The following KMT2C variants were observed in gnomAD, a reference collection of about 807,000 sequenced individuals.
The protein encoded by KMT2C is lysine methyltransferase 2C.
KMT2C carries 88 observed loss-of-function variants against 507.9 expected under a neutral mutation model. That is an observed-to-expected ratio of 0.17 (90% CI 0.15 to 0.21). The LOEUF (loss-of-function observed/expected upper bound fraction) is 0.21, where lower values mean the gene tolerates loss of function less well. Among genes scored for constraint, KMT2C ranks in the 10% least tolerant of loss-of-function variants. The pLI, the probability that KMT2C is intolerant of heterozygous loss-of-function variation, is 1.00. For missense variants in KMT2C, 4,954 were observed against 5,957.8 expected, an observed-to-expected ratio of 0.83 and a Z score of 5.55; for synonymous variants, 2,049 against 2,080.8, an observed-to-expected ratio of 0.98 and a Z score of 0.42.
intron 6 of KMT2C, among the ~76,000 whole-genome samples, chr7:152,276,624 G>A (rs1409640435): frequency 5.3e-5 from 8 of 152,100 alleles, no homozygotes; most frequent in Non-Finnish European, 1.2e-4. Flanking sequence ...ATGGTGGCAT[G>A]CACCTATAGT....
At chr7:152,165,862 G>C (rs953885542) in intron 42 of KMT2C, among the ~76,000 whole-genome samples, 10 of 151,762 alleles carry the variant, frequency 6.6e-5, no homozygotes, top group African/African-American at 2.4e-4. Context: ...CTAACTTCTT[G>C]TATTTTTAGT....
chr7:152,370,193 CAA>C (rs756706044), intron 1 of KMT2C, among the ~76,000 whole-genome samples: 7 of 117,998 alleles, frequency 5.9e-5, no homozygotes, highest in Admixed American at 2.7e-4. Context: ...GACTCCGTCT[CAA>C]AAAAAAAAAA....
chr7:152,185,277 G>A (rs1437822382), intron 34 of KMT2C, among the ~76,000 whole-genome samples: 1 of 152,120 alleles, frequency 6.6e-6, no homozygotes, highest in Non-Finnish European at 1.5e-5. Flanking sequence ...CTCTGCTGAA[G>A]AGATAAAACA....
At chr7:152,171,740 C>T (rs186829885) in intron 39 of KMT2C, among the ~76,000 whole-genome samples, 188 of 152,240 alleles carry the variant, frequency 1.2e-3, no homozygotes, top group Admixed American at 2.0e-3. Context: ...AGTTTTATAA[C>T]GAACTCTAAG....
At chr7:152,290,252 GTATGTGTATATATATATATATATATATA>G (rs1178757309) in intron 6 of KMT2C, among the ~76,000 whole-genome samples, 3 of 57,942 alleles carry the variant, frequency 5.2e-5, no homozygotes, top group African/African-American at 2.5e-4. Flanking sequence ...GTGTGTGTGT[GTATGTGTATATATATATATATATATATA>G]TATATATATA....
At position 152,145,253 on chromosome 7, in the gene KMT2C, C is replaced by G. The variant is rs746947629; in HGVS notation, c.14074G>C (p.Gly4692Arg). The change falls in exon 54 of 59, where the codon GGC (glycine) becomes CGC (arginine). Residue 4692 changes from glycine to arginine, a missense_variant. By Grantham distance (125) the Gly-to-Arg change is moderately radical. Coordinates refer to ENST00000262189, the MANE Select transcript of KMT2C (RefSeq NM_170606.3). ...EACENYTFRY[G>R]RNPLMELPLA... ...GGAAGTTCCATGAGAGGATTTCGGC[C>G]GTATCGGAAGGTATAATTTTCACAT... The G allele has an allele frequency of 6.2e-7, 1 of 1,614,122 alleles. No individual in the cohort carries two copies. Among genetic ancestry groups the G allele is most frequent in the Non-Finnish European group, 8.5e-7 (1 of 1,180,010 alleles).
intron 4 of KMT2C, among the ~76,000 whole-genome samples, chr7:152,314,217 T>A (rs983323997): frequency 6.6e-6 from 1 of 152,132 alleles, no homozygotes; most frequent in African/African-American, 2.4e-5. Context: ...TTGGCAGCAG[T>A]TCAAAACAAT....
chr7:152,355,337 T>C (rs2097143152), intron 2 of KMT2C, among the ~76,000 whole-genome samples: 1 of 152,054 alleles, frequency 6.6e-6, no homozygotes, highest in Admixed American at 6.6e-5. Flanking sequence ...TCTTCAGACA[T>C]CTAAGAAGAG....
chr7:152,307,278 A>AAGG (rs2096628579), intron 6 of KMT2C, among the ~76,000 whole-genome samples: 23 of 107,454 alleles, frequency 2.1e-4, no homozygotes, highest in East Asian at 5.6e-4. Flanking sequence ...AGGAAGAAAG[A>AAGG]AAGGAAGGAA....
intron 1 of KMT2C, among the ~76,000 whole-genome samples, chr7:152,416,062 T>C (rs1426917203): frequency 6.6e-6 from 1 of 151,926 alleles, no homozygotes; most frequent in Non-Finnish European, 1.5e-5. Context: ...ATGCAACCTT[T>C]TTAGGGAGTG....
chr7:152,319,813 G>GCTCTCC (rs908987490), intron 3 of KMT2C, among the ~76,000 whole-genome samples: 1 of 152,094 alleles, frequency 6.6e-6, no homozygotes, highest in African/African-American at 2.4e-5. Context: ...AATGGCATAA[G>GCTCTCC]CTCTCCCTCT....
In KMT2C at chr7:152,148,175, C is replaced by T. The variant is rs1479031861; in HGVS notation, c.13752G>A (p.Arg4584=). The change falls in exon 52 of 59, where the codon CGG becomes CGA. Residue 4584 remains arginine, a synonymous_variant. Transcript: ENST00000262189. The surrounding 1 kb of genome is among the most constrained non-coding windows in gnomAD (Gnocchi z 7.1). The part of the protein sequence containing the change: ...ALFPVGYEAS[R]LYWSTRYANR... ...TGGCATAGCGAGTGCTCCAGTACAG[C>T]CGGCTGGCTTCATAGCCCACAGGGA... The T allele has an allele frequency of 6.2e-7, 1 of 1,614,198 alleles. No individual in the cohort carries two copies. The highest frequency in any genetic ancestry group is 1.1e-5 in the South Asian group (1 of 91,084).
At chr7:152,301,460 G>A (rs998275977) in intron 6 of KMT2C, among the ~76,000 whole-genome samples, 19 of 152,100 alleles carry the variant, frequency 1.2e-4, no homozygotes, top group Admixed American at 2.6e-4. Context: ...AGTGAGCCGA[G>A]ATCATGCCAC....
chr7:152,379,181 C>A (rs2097351206), intron 1 of KMT2C, among the ~76,000 whole-genome samples: 1 of 152,050 alleles, frequency 6.6e-6, no homozygotes, highest in African/African-American at 2.4e-5. Context: ...AAAGCAAATT[C>A]TGCCCCCATC....
intron 18 of KMT2C, 124 bp from the exon 19 acceptor site, chr7:152,224,740 T>C (rs1366858279): frequency 3.6e-5 from 26 of 717,442 alleles, no homozygotes; most frequent in Admixed American, 3.2e-4. Context: ...CTAACATTTA[T>C]TGAGCACCTA....
intron 14 of KMT2C, among the ~76,000 whole-genome samples, chr7:152,240,480 C>G (rs2095362577): frequency 6.6e-6 from 1 of 152,246 alleles, no homozygotes; most frequent in South Asian, 2.1e-4. Flanking sequence ...ATGGTATTAT[C>G]TACAATGAGG....
intron 2 of KMT2C, among the ~76,000 whole-genome samples, chr7:152,340,440 G>A (rs1446257614): frequency 6.6e-6 from 1 of 152,102 alleles, no homozygotes; most frequent in Non-Finnish European, 1.5e-5. Flanking sequence ...AAAGAAGTCT[G>A]CCTCCTGACA....
rs575329906 is a variant in KMT2C at position 152,142,585 on chromosome 7, G to A, written c.14343+2128C>T. ...CTTTTACACAGAAACCTCACGTTTG[G>A]GAATATACCCCATAGGAGTGAAACT... On this transcript the variant is annotated intron_variant, in intron 55 of 58. Transcript: ENST00000262189. Among the ~76,000 whole-genome samples, 6 of 152,278 alleles carry A rather than the reference G, an allele frequency of 3.9e-5. No homozygotes were observed. The East Asian group carries it at 9.6e-4, about 24-fold the overall frequency.
At chr7:152,419,354 A>G (rs1375535761) in intron 1 of KMT2C, among the ~76,000 whole-genome samples, 1 of 152,180 alleles carries the variant, frequency 6.6e-6, no homozygotes, top group Non-Finnish European at 1.5e-5. Context: ...CTGTCTCCAA[A>G]AAAAAAAGTG....
Sources: gnomAD v4.1 joint callset for allele counts (sites outside exome capture counted in the v4.1 genomes callset) on GRCh38, gnomAD v4.1.1 for gene constraint, Gnocchi (gnomAD v3.1) non-coding constraint, MANE v1.5 for transcripts, NCBI Gene and HGNC (gene_info 2026-07-23, HGNC 2026-07-21) for gene names.